Variants in UQCC1 observed in about 807,000 individuals in gnomAD.
UQCC1 encodes bFGF-repressed Zic-binding protein.
A neutral mutation model predicts 48.0 loss-of-function variants in UQCC1; 38 were observed. That is an observed-to-expected ratio of 0.79 (90% CI 0.61 to 1.04). The LOEUF is 1.04. Among genes scored for constraint, UQCC1 ranks in the 50% least tolerant of loss-of-function variants. The pLI is 0.00. For synonymous variants in UQCC1, 111 were observed against 129.2 expected (o/e 0.86, Z 0.95); for missense variants, 368 against 381.8 (o/e 0.96, Z 0.30).
chr20:35,326,948 CTTGTCAT>C (rs2061201560), intron 7 of UQCC1, among the ~76,000 whole-genome samples: 1 of 152,204 alleles, frequency 6.6e-6, no homozygotes. Context: ...GCCACTGTCA[CTTGTCAT>C]GGATGCTGAG....
chr20:35,368,840 G>GAA (rs1366120155), intron 5 of UQCC1, among the ~76,000 whole-genome samples: 3 of 152,200 alleles, frequency 2.0e-5, no homozygotes, highest in Admixed American at 6.5e-5. Flanking sequence ...GGAGGGAGCT[G>GAA]AAGGCTGGCC....
At chr20:35,378,616 C>G (rs1044489315) in intron 4 of UQCC1, among the ~76,000 whole-genome samples, 5 of 152,010 alleles carry the variant, frequency 3.3e-5, no homozygotes, top group Non-Finnish European at 2.9e-5. Context: ...GGCGACAGAG[C>G]GAGACTCCAA....
chr20:35,343,832 T>G (rs2061406188), intron 7 of UQCC1, among the ~76,000 whole-genome samples: 1 of 152,220 alleles, frequency 6.6e-6, no homozygotes, highest in Non-Finnish European at 1.5e-5. Flanking sequence ...TTCTCACCCC[T>G]GTCCTGAAAC....
chr20:35,360,024 T>G (rs112527071), intron 6 of UQCC1, among the ~76,000 whole-genome samples: 90 of 150,492 alleles, frequency 6.0e-4, no homozygotes, highest in African/African-American at 2.1e-3. Context: ...ACGAGCCTCC[T>G]CCAAGAGCTA....
chr20:35,354,167 T>C (rs2061520441), intron 6 of UQCC1, among the ~76,000 whole-genome samples: 1 of 152,160 alleles, frequency 6.6e-6, no homozygotes, highest in African/African-American at 2.4e-5. Flanking sequence ...TACCTAATGA[T>C]GCATTTCTCA....
At chr20:35,316,725 G>A (rs915291870) in intron 7 of UQCC1, among the ~76,000 whole-genome samples, 4 of 152,002 alleles carry the variant, frequency 2.6e-5, no homozygotes, top group Admixed American at 6.6e-5. Context: ...GGCAACCTCC[G>A]CCTCCCGGGT....
At chr20:35,366,802 G>GA (rs200477398) in intron 5 of UQCC1, among the ~76,000 whole-genome samples, 188 bp from the exon 6 acceptor site, 71 of 150,282 alleles carry the variant, frequency 4.7e-4, no homozygotes, top group Admixed American at 2.1e-3. Context: ...AGGAGTAAAA[G>GA]AAAAAAAAAG....
chr20:35,335,662 C>A (rs1337300683), intron 7 of UQCC1, among the ~76,000 whole-genome samples: 1 of 151,970 alleles, frequency 6.6e-6, no homozygotes, highest in Non-Finnish European at 1.5e-5. Flanking sequence ...TTTCCAGGGG[C>A]TAGGGGTAAG....
At chr20:35,367,923 A>G (rs143920734) in intron 5 of UQCC1, among the ~76,000 whole-genome samples, 8 of 152,256 alleles carry the variant, frequency 5.3e-5, no homozygotes, top group African/African-American at 1.9e-4. Context: ...AGATCCCACA[A>G]ATTAGTTCTG....
At chr20:35,313,178 C>T (rs1354180566) in intron 8 of UQCC1, among the ~76,000 whole-genome samples, 4 of 151,830 alleles carry the variant, frequency 2.6e-5, no homozygotes, top group African/African-American at 9.7e-5. Flanking sequence ...AGATCGAGAC[C>T]ATCCTGGCTA....
At chr20:35,391,036 A>T (rs934897107) in intron 2 of UQCC1, among the ~76,000 whole-genome samples, 10 of 151,946 alleles carry the variant, frequency 6.6e-5, no homozygotes, top group Admixed American at 1.3e-4. Flanking sequence ...TCTCTACTAA[A>T]AATACAAAAA....
intron 2 of UQCC1, among the ~76,000 whole-genome samples, chr20:35,388,226 C>T (rs1302612503): frequency 2.6e-5 from 4 of 151,986 alleles, no homozygotes; most frequent in Admixed American, 2.6e-4. Flanking sequence ...AAGTGATCAG[C>T]CCACCTTAGC....
At chr20:35,330,407 T>G (rs765747940) in intron 7 of UQCC1, among the ~76,000 whole-genome samples, 4 of 152,232 alleles carry the variant, frequency 2.6e-5, no homozygotes, top group Admixed American at 6.5e-5. Flanking sequence ...TGGCGGCCAC[T>G]GAAATGATTA....
intron 7 of UQCC1, among the ~76,000 whole-genome samples, chr20:35,335,924 C>G (rs2061311236): frequency 6.6e-6 from 1 of 152,204 alleles, no homozygotes; most frequent in South Asian, 2.1e-4. Context: ...ATGCCCAGCA[C>G]TTTGGGATGC....
chr20:35,381,865 G>T, intron 4 of UQCC1, 53 bp downstream of exon 4: 1 of 1,039,206 alleles, frequency 9.6e-7, no homozygotes. Flanking sequence ...TCTATTAGGA[G>T]CAGAAAGCAC....
intron 1 of UQCC1, among the ~76,000 whole-genome samples, chr20:35,405,486 A>C (rs2062238083): frequency 6.6e-6 from 1 of 152,244 alleles, no homozygotes; most frequent in Non-Finnish European, 1.5e-5. Context: ...CAGGGGGAAA[A>C]AATGCAATCA....
chr20:35,358,809 C>T (rs1305396375), intron 6 of UQCC1, among the ~76,000 whole-genome samples: 2 of 152,192 alleles, frequency 1.3e-5, no homozygotes, highest in African/African-American at 2.4e-5. Context: ...ATCCACCTGC[C>T]TCAGCCTCCC....
At chr20:35,318,244 C>T (rs573604464) in intron 7 of UQCC1, among the ~76,000 whole-genome samples, 47 of 152,272 alleles carry the variant, frequency 3.1e-4, no homozygotes, top group Middle Eastern at 3.4e-3. Flanking sequence ...GCTCAATACC[C>T]TTGAGGAAAG....
At chr20:35,383,675 C>T (rs1299053867) in intron 3 of UQCC1, among the ~76,000 whole-genome samples, 1 of 152,040 alleles carries the variant, frequency 6.6e-6, no homozygotes, top group African/African-American at 2.4e-5. Flanking sequence ...CAAAACGAGA[C>T]CCTGGTCTCT....
Sources: allele counts gnomAD v4.1 joint callset (sites outside exome capture counted in the v4.1 genomes callset), GRCh38; gene constraint gnomAD v4.1.1; transcripts MANE v1.5; gene names NCBI Gene and HGNC (gene_info 2026-07-23, HGNC 2026-07-21).